Variants in BUB1 observed in about 807,000 individuals in gnomAD.
The protein encoded by BUB1 is BUB1 mitotic checkpoint serine/threonine kinase.
In BUB1, 84 loss-of-function variants were observed where a neutral mutation model predicts 135.2. The observed-to-expected ratio is 0.62, with a 90% CI of 0.52 to 0.74. The LOEUF (loss-of-function observed/expected upper bound fraction) is 0.74, where lower values mean the gene tolerates loss of function less well. Among genes scored for constraint, BUB1 ranks in the 30% least tolerant of loss-of-function variants. BUB1 has a pLI of 0.00. For synonymous variants in BUB1, 403 were observed against 434.4 expected (o/e 0.93, Z 0.90); for missense variants, 1,162 against 1,288.3 (o/e 0.90, Z 1.50).
chr2:110,660,143 G>A lies in BUB1; in HGVS notation c.1218-107C>T, dbSNP rs1436560540. 6.1e-5 allele frequency: 52 copies of A among 852,446 alleles called. 2 individuals are homozygous for A. In the South Asian group the frequency reaches 6.8e-4, roughly 11 times the overall value. The allele number at this position is 852,446 out of a possible 1,614,324, so 52.8% of individuals were successfully genotyped here. On this transcript the variant is annotated intron_variant, in intron 10 of 24. Coordinates refer to ENST00000302759, the MANE Select transcript of BUB1 (RefSeq NM_004336.5). ...TCCCAGCACTTTGGGAGGCCGAGGC[G>A]GGAGGATCACCTGAGGTCAGAAGTT...
intron 16 of BUB1, among the ~76,000 whole-genome samples, chr2:110,654,798 C>T (rs1009764403): frequency 6.6e-6 from 1 of 152,132 alleles, no homozygotes; most frequent in Non-Finnish European, 1.5e-5. Context: ...AGGCTCAGAA[C>T]CCACATTAAA....
intron 17 of BUB1, among the ~76,000 whole-genome samples, chr2:110,652,333 T>C (rs1689809020): frequency 6.6e-6 from 1 of 152,170 alleles, no homozygotes; most frequent in Non-Finnish European, 1.5e-5. Flanking sequence ...CTGTACTTAG[T>C]GTCACAATTT....
At chr2:110,658,204 CTT>C (rs79645151) in intron 13 of BUB1, among the ~76,000 whole-genome samples, 66 of 144,382 alleles carry the variant, frequency 4.6e-4, no homozygotes, top group African/African-American at 1.4e-3. Context: ...TAGCACTATT[CTT>C]TTTTTTTTTT....
chr2:110,641,855 A>G, intron 20 of BUB1, 52 bp from the exon 21 acceptor site: 2 of 1,563,726 alleles, frequency 1.3e-6, no homozygotes, highest in South Asian at 1.2e-5. Flanking sequence ...CTGAAAAATG[A>G]TAGCAATAAA....
rs757947166 is a variant in BUB1, at chr2:110,650,642, T to G, written c.2107A>C (p.Thr703Pro). The change falls in exon 18 of 25, where the codon ACT becomes CCT. Residue 703 changes from threonine to proline, a missense_variant. Transcript: ENST00000302759. ...GGATCTTCTGCAATGGCAGCGTCAGTGTCTGTGAGTCTGCAAGCCTCAACG... is the reference window on the plus strand; with the variant it reads ...GGATCTTCTGCAATGGCAGCGTCAGGGTCTGTGAGTCTGCAAGCCTCAACG... The part of the protein sequence containing the change: ...LGVEACRLTD[T>P]DAAIAEDPPD... The G allele has an allele frequency of 6.2e-7, 1 of 1,613,992 alleles. No individual in the cohort carries two copies. Among genetic ancestry groups the G allele is most frequent in the Admixed American group, 1.7e-5 (1 of 59,958 alleles).
At chr2:110,669,589 A>G in intron 5 of BUB1, 36 bp from the exon 6 acceptor site, 2 of 1,380,246 alleles carry the variant, frequency 1.4e-6, no homozygotes, top group East Asian at 2.3e-5. Flanking sequence ...CGGAGAAATT[A>G]AGGGTAAAAC....
At chr2:110,651,246 T>C (rs1028840621) in intron 17 of BUB1, among the ~76,000 whole-genome samples, 1 of 152,134 alleles carries the variant, frequency 6.6e-6, no homozygotes. Flanking sequence ...GGACAGCATA[T>C]GCAATGGTGG....
intron 8 of BUB1, among the ~76,000 whole-genome samples, chr2:110,666,910 G>C (rs939836704): frequency 3.9e-5 from 6 of 152,290 alleles, no homozygotes; most frequent in African/African-American, 1.4e-4. Flanking sequence ...CAAAGAGTCT[G>C]GCTTAAAACT....
chr2:110,666,561 A>T (rs1690261735), intron 8 of BUB1, 147 bp from the exon 9 acceptor site: 3 of 533,070 alleles, frequency 5.6e-6, no homozygotes, highest in Admixed American at 8.9e-5. Context: ...TGAAACTTGT[A>T]TTACCTTTTA....
At chr2:110,647,964 TAC>T (rs774248914) in intron 19 of BUB1, among the ~76,000 whole-genome samples, 28 of 152,192 alleles carry the variant, frequency 1.8e-4, no homozygotes, top group Non-Finnish European at 3.8e-4. Context: ...TGCTAAATGG[TAC>T]AGTCACTTTG....
At chr2:110,677,223 G>A (rs912733935) in intron 1 of BUB1, among the ~76,000 whole-genome samples, 1 of 152,222 alleles carries the variant, frequency 6.6e-6, no homozygotes, top group Non-Finnish European at 1.5e-5. Context: ...TGCTGGCTAG[G>A]TTGAAGGTTA....
chr2:110,658,649 T>G lies in BUB1; in HGVS notation c.1370A>C (p.Gln457Pro). ...GMVQATPSKV[Q>P]PSPTVHTKEA... ...TTTTGTGTGCACGGTGGGTGATGGC[T>G]GCACTTTGGATGGCGTTGCCTGAAC... The change falls in exon 12 of 25, where the codon CAG (glutamine) becomes CCG (proline). Residue 457 changes from glutamine (Q) to proline (P), a missense_variant. Transcript: ENST00000302759. The G allele has an allele frequency of 6.2e-7, 1 of 1,614,234 alleles. No homozygotes were observed.
chr2:110,638,226 T>G, intron 24 of BUB1, 67 bp from the exon 25 acceptor site: 4 of 1,295,050 alleles, frequency 3.1e-6, no homozygotes, highest in South Asian at 3.1e-5. Flanking sequence ...ACCCCACCCC[T>G]GCATCTGACT....
intron 15 of BUB1, 145 bp from the exon 16 acceptor site, chr2:110,656,061 CATGG>C: frequency 1.5e-6 from 1 of 669,000 alleles, no homozygotes; most frequent in Non-Finnish European, 2.4e-6. Flanking sequence ...CCCACAATAT[CATGG>C]TTCAGTTCTT....
At chr2:110,669,286 A>G (rs1296357492) in intron 6 of BUB1, among the ~76,000 whole-genome samples, 167 bp downstream of exon 6, 1 of 152,204 alleles carries the variant, frequency 6.6e-6, no homozygotes, top group African/African-American at 2.4e-5. Flanking sequence ...GTGTGGGAGA[A>G]TAACAGGCCC....
intron 19 of BUB1, among the ~76,000 whole-genome samples, chr2:110,645,844 G>C (rs907389254): frequency 1.3e-5 from 2 of 152,086 alleles, no homozygotes; most frequent in Non-Finnish European, 2.9e-5. Flanking sequence ...TGGATTACAG[G>C]TGTGAGTAAC....
Position 110,641,709 on chromosome 2 carries a change from T to C in BUB1, c.2558A>G (p.Tyr853Cys), listed in dbSNP as rs940408647. The part of the protein sequence containing the change: ...PSMQHMFMKF[Y>C]SAHLFQNGSV... Reference sequence around the variant, plus strand: ...GCCATTCTGGAATAAGTGGGCAGAATAGAACTTCATAAACATGTGCTGCAT... The same window carrying C: ...GCCATTCTGGAATAAGTGGGCAGAACAGAACTTCATAAACATGTGCTGCAT... The change falls in exon 21 of 25, where the codon TAT (tyrosine) becomes TGT (cysteine). Residue 853 changes from tyrosine to cysteine, a missense_variant. Transcript: ENST00000302759. 18 of 1,613,030 alleles carry C rather than the reference T, an allele frequency of 1.1e-5. No homozygotes were observed. The highest frequency in any genetic ancestry group is 1.0e-4 in the Admixed American group (6 of 59,998).
At chr2:110,652,177 T>C (rs970144547) in intron 17 of BUB1, among the ~76,000 whole-genome samples, 5 of 152,116 alleles carry the variant, frequency 3.3e-5, no homozygotes, top group Admixed American at 2.0e-4. Flanking sequence ...AAATCAATAC[T>C]CATAGTGATT....
intron 8 of BUB1, 51 bp downstream of exon 8, chr2:110,667,470 G>A: frequency 6.6e-7 from 1 of 1,522,642 alleles, no homozygotes; most frequent in Non-Finnish European, 8.9e-7. Context: ...TCAGAGATGA[G>A]GATTTTTTTA....
Sources: gnomAD v4.1 joint callset for allele counts (sites outside exome capture counted in the v4.1 genomes callset) on GRCh38, gnomAD v4.1.1 for gene constraint, MANE v1.5 for transcripts, NCBI Gene and HGNC (gene_info 2026-07-23, HGNC 2026-07-21) for gene names.